COL23A1: variants seen among roughly 807,000 people sequenced by gnomAD.
COL23A1 encodes collagen alpha-1(XXIII) chain.
COL23A1 carries 97 observed loss-of-function variants against 99.3 expected under a neutral mutation model. The ratio of observed to expected loss-of-function variants is 0.98; its 90% CI spans 0.83 to 1.16. The LOEUF (loss-of-function observed/expected upper bound fraction) is 1.16, where lower values mean the gene tolerates loss of function less well. Among genes scored for constraint, COL23A1 ranks in the 50% most tolerant of loss-of-function variants. COL23A1 has a pLI of 0.00. For synonymous variants in COL23A1, 320 were observed against 308.2 expected (o/e 1.04, Z -0.40); for missense variants, 762 against 757.4 (o/e 1.01, Z -0.07).
intron 5 of COL23A1, among the ~76,000 whole-genome samples, chr5:178,283,008 C>CT (rs1239559687): frequency 6.6e-6 from 1 of 152,056 alleles, no homozygotes; most frequent in African/African-American, 2.4e-5. Context: ...GTAGCTGGGA[C>CT]TACAGGCATG....
rs370064633 is a variant in COL23A1 at position 178,281,033 on chromosome 5, G to A, written c.441+7291C>T. Among the ~76,000 whole-genome samples, 5 of 152,270 alleles carry A rather than the reference G, an allele frequency of 3.3e-5. No individual in the cohort carries two copies. Among genetic ancestry groups the A allele is most frequent in the African/African-American group, 1.2e-4 (5 of 41,562 alleles). ...AGAGACTTAGGGCCCTGGGGAGAAC[G>A]GCCAGCATGGTGGCCCTGGTTGCAT... On this transcript the variant is annotated intron_variant, in intron 5 of 28. Transcript: ENST00000390654. The surrounding 1 kb of genome is among the most constrained non-coding windows in gnomAD (Gnocchi z 4.0).
intron 2 of COL23A1, among the ~76,000 whole-genome samples, chr5:178,349,869 G>GC (rs1317677207): frequency 3.9e-5 from 1 of 25,906 alleles, no homozygotes; most frequent in Non-Finnish European, 6.7e-5. Context: ...CCTGACTGGA[G>GC]GGGGACCTCT....
intron 2 of COL23A1, among the ~76,000 whole-genome samples, chr5:178,433,439 A>C (rs900434400): frequency 2.0e-5 from 3 of 152,168 alleles, no homozygotes; most frequent in Non-Finnish European, 2.9e-5. Context: ...CCCTCCTAAC[A>C]CATGGAAGCT....
intron 2 of COL23A1, among the ~76,000 whole-genome samples, chr5:178,355,825 T>C (rs971054143): frequency 6.6e-6 from 1 of 152,216 alleles, no homozygotes; most frequent in African/African-American, 2.4e-5. Flanking sequence ...AATCCACAGA[T>C]GCAGAGCTGC....
At position 178,365,127 on chromosome 5, in the gene COL23A1, C is replaced by CTGTGTGTGTGTG. The variant is rs1186715239; in HGVS notation, c.362-58209_362-58208insCACACACACACA. Among the ~76,000 whole-genome samples, 26 of 120,398 alleles carry CTGTGTGTGTGTG rather than the reference C, an allele frequency of 2.2e-4. No homozygotes were observed. The highest frequency in any genetic ancestry group is 6.3e-4 in the African/African-American group (21 of 33,514). 79.0% of individuals were successfully genotyped at this position (120,398 alleles called of 152,430 possible). A position where few individuals can be genotyped will look rare whatever the true frequency, so the allele number is the denominator to read the frequency against. ...CTTTGGGGTGGGCTTTATGATGTTG[C>CTGTGTGTGTGTG]TGTGTGTGCGTGTGTGTGTGTGTGT... On this transcript the variant is annotated intron_variant, in intron 2 of 28. Transcript: ENST00000390654. The surrounding 1 kb of genome is among the most constrained non-coding windows in gnomAD (Gnocchi z 5.2).
Position 178,584,355 on chromosome 5 carries a change from T to C in COL23A1, c.294+5549A>G, listed in dbSNP as rs902789975. Among the ~76,000 whole-genome samples the C allele has an allele frequency of 1.1e-4, 17 of 149,604 alleles. No individual in the cohort carries two copies. In the South Asian group the frequency reaches 3.2e-3, roughly 28 times the overall value. ...ACACACACACACACCTAGAAATAAA[T>C]ACATATAAATTTTTTTCTTTTTTTT... On this transcript the variant is annotated intron_variant, in intron 1 of 28. Transcript: ENST00000390654.
chr5:178,456,970 C>T (rs1767832266), intron 2 of COL23A1, among the ~76,000 whole-genome samples: 1 of 152,078 alleles, frequency 6.6e-6, no homozygotes, highest in Non-Finnish European at 1.5e-5. Flanking sequence ...AACAACACAC[C>T]CTGTTTTGGG....
intron 2 of COL23A1, among the ~76,000 whole-genome samples, chr5:178,328,755 C>T (rs906123644): frequency 8.5e-5 from 13 of 152,168 alleles, no homozygotes; most frequent in Admixed American, 7.9e-4. Flanking sequence ...AAACCAACCC[C>T]CGTCAACGTT....
At chr5:178,353,548 G>C (rs550975916) in intron 2 of COL23A1, among the ~76,000 whole-genome samples, 6 of 152,210 alleles carry the variant, frequency 3.9e-5, no homozygotes, top group African/African-American at 9.6e-5. Context: ...AAAAGGAAAC[G>C]TAAGTTTCTC....
At chr5:178,480,049 G>A (rs550904215) in intron 2 of COL23A1, among the ~76,000 whole-genome samples, 2 of 151,660 alleles carry the variant, frequency 1.3e-5, no homozygotes, top group South Asian at 2.1e-4. Context: ...AAAAGATACA[G>A]TAAAACGATG....
chr5:178,515,483 C>T (rs1176598285), intron 2 of COL23A1, among the ~76,000 whole-genome samples: 3 of 152,276 alleles, frequency 2.0e-5, no homozygotes, highest in Non-Finnish European at 2.9e-5. Flanking sequence ...CCCTGGCCCT[C>T]GAGTGCCTGA....
chr5:178,302,895 G>A (rs1169854642), intron 3 of COL23A1, among the ~76,000 whole-genome samples: 1 of 152,216 alleles, frequency 6.6e-6, no homozygotes, highest in Non-Finnish European at 1.5e-5. Flanking sequence ...AAGTCAAATA[G>A]TGACAGTTCT....
rs150693663 is a variant in COL23A1 at position 178,484,159 on chromosome 5, G to T, written c.361+76523C>A. Among the ~76,000 whole-genome samples the T allele has an allele frequency of 5.7e-4, 86 of 152,162 alleles. 1 individual carries two copies. The highest frequency in any genetic ancestry group is 2.0e-3 in the African/African-American group (84 of 41,544). On this transcript the variant is annotated intron_variant, in intron 2 of 28. Transcript: ENST00000390654. ...CAGGCTGGTCTTGAACTCGACCTCAGGTGATCCGCCTACCTCAGCCTCCCA... is the reference window on the plus strand; with the variant it reads ...CAGGCTGGTCTTGAACTCGACCTCATGTGATCCGCCTACCTCAGCCTCCCA...
At chr5:178,298,275 C>T (rs2913756) in intron 3 of COL23A1, among the ~76,000 whole-genome samples, 99,649 of 151,954 alleles carry the variant, frequency 0.66, 33,265 homozygotes, top group African/African-American at 0.7. Flanking sequence ...CCCATTCACA[C>T]CTCGGGGTTA....
At chr5:178,549,833 C>T (rs1027870605) in intron 2 of COL23A1, among the ~76,000 whole-genome samples, 12 of 151,902 alleles carry the variant, frequency 7.9e-5, no homozygotes, top group Non-Finnish European at 2.9e-5. Flanking sequence ...AAAACAAAAA[C>T]AAAAACAAAA....
At chr5:178,425,485 A>ATGG (rs1581367608) in intron 2 of COL23A1, among the ~76,000 whole-genome samples, 1 of 152,094 alleles carries the variant, frequency 6.6e-6, no homozygotes, top group South Asian at 2.1e-4. Context: ...AATAAAGCCA[A>ATGG]TGGTGGCTGT....
chr5:178,569,066 C>G (rs1762966330), intron 1 of COL23A1, among the ~76,000 whole-genome samples: 1 of 152,220 alleles, frequency 6.6e-6, no homozygotes, highest in Admixed American at 6.5e-5. Flanking sequence ...GTTCCAATTT[C>G]TCCACATTTT....
chr5:178,359,290 G>A (rs1032687916), intron 2 of COL23A1, among the ~76,000 whole-genome samples: 12 of 152,330 alleles, frequency 7.9e-5, no homozygotes, highest in East Asian at 1.9e-4. Context: ...TTGGGAGGCC[G>A]AGGCAGGTGG....
At chr5:178,528,540 G>A (rs188306217) in intron 2 of COL23A1, among the ~76,000 whole-genome samples, 18 of 152,298 alleles carry the variant, frequency 1.2e-4, no homozygotes, top group East Asian at 1.2e-3. Flanking sequence ...AAGGCCGGGC[G>A]CAGTGGCTCA....
Sources: allele counts gnomAD v4.1 joint callset (sites outside exome capture counted in the v4.1 genomes callset), GRCh38; gene constraint gnomAD v4.1.1; non-coding constraint Gnocchi (gnomAD v3.1); transcripts MANE v1.5; gene names NCBI Gene and HGNC (gene_info 2026-07-23, HGNC 2026-07-21).